Variants in SH3RF2 observed in about 807,000 individuals in gnomAD.
SH3RF2 encodes E3 ubiquitin-protein ligase SH3RF2.
SH3RF2 carries 43 observed loss-of-function variants against 59.0 expected under a neutral mutation model. That is an observed-to-expected ratio of 0.73 (90% CI 0.57 to 0.94). SH3RF2 has a LOEUF of 0.94. Ranked by LOEUF, SH3RF2 falls within the 40% of genes least tolerant of loss-of-function variation. SH3RF2 has a pLI of 0.00. For missense variants in SH3RF2, 930 were observed against 940.1 expected (o/e 0.99, Z 0.14); for synonymous variants, 391 against 391.5 (o/e 1.00, Z 0.01).
At chr5:146,059,093 G>T (rs1307634187) in intron 8 of SH3RF2, among the ~76,000 whole-genome samples, 1 of 152,118 alleles carries the variant, frequency 6.6e-6, no homozygotes, top group African/African-American at 2.4e-5. Context: ...ATTATCTCCA[G>T]CTTACAAACG....
chr5:146,056,303 G>T, intron 8 of SH3RF2, 90 bp downstream of exon 8: 1 of 1,577,390 alleles, frequency 6.3e-7, no homozygotes, highest in Admixed American at 1.8e-5. Flanking sequence ...GCAAAAACAG[G>T]ATCTTGGCTT....
chr5:145,981,702 C>A (rs556880279), intron 2 of SH3RF2, among the ~76,000 whole-genome samples: 2 of 152,302 alleles, frequency 1.3e-5, no homozygotes, highest in South Asian at 4.1e-4. Flanking sequence ...AGACACTAGC[C>A]ACATGCAGCT....
intron 5 of SH3RF2, among the ~76,000 whole-genome samples, chr5:146,042,274 G>A (rs1439229518): frequency 6.6e-6 from 1 of 152,164 alleles, no homozygotes. Context: ...CTCAGTCCAA[G>A]ACCTTGCCAG....
rs1761000837 is a variant in SH3RF2, at chr5:146,013,801, C to CG, written c.800dup (p.Thr268HisfsTer20). 1.2e-6 allele frequency: 2 copies of CG among 1,613,702 alleles called. No individual in the cohort carries two copies. Among genetic ancestry groups the CG allele is most frequent in the African/African-American group, 2.7e-5 (2 of 74,792 alleles). On this transcript the variant is annotated frameshift_variant, in exon 5 of 10. Coordinates refer to ENST00000359120, the MANE Select transcript of SH3RF2 (RefSeq NM_152550.4). LOFTEE classifies it high-confidence loss of function. ...GAAGAACAAAGGTCGCCAGTCATCC[C>CG]GCACAAAAAACCTGTCCCTGGTGTC...
At chr5:146,002,370 G>GGAGGCAGGAGAATCGCTTA (rs1195098638) in intron 3 of SH3RF2, among the ~76,000 whole-genome samples, 1 of 152,078 alleles carries the variant, frequency 6.6e-6, no homozygotes, top group Non-Finnish European at 1.5e-5. Flanking sequence ...AGAATCGCTT[G>GGAGGCAGGAGAATCGCTTA]AACCCAGGAG....
chr5:146,074,036 C>CTTTTTTTTTTTTT lies in SH3RF2; in HGVS notation c.*34-4415_*34-4403dup, dbSNP rs70998053. Among the ~76,000 whole-genome samples, 34 of 117,202 alleles carry CTTTTTTTTTTTTT rather than the reference C, an allele frequency of 2.9e-4. 2 individuals carry two copies. Among genetic ancestry groups the CTTTTTTTTTTTTT allele is most frequent in the African/African-American group, 1.4e-3 (33 of 24,222 alleles). 76.9% of individuals were successfully genotyped at this position (117,202 alleles called of 152,430 possible). On this transcript the variant is annotated intron_variant, in intron 9 of 9. Transcript: ENST00000511217. ...CCATGGGGTAGGTTTCATTAACACTCTTTTTTTTTTTTTTTTTTTTTGAGA... is the reference window on the plus strand; with the variant it reads ...CCATGGGGTAGGTTTCATTAACACTCTTTTTTTTTTTTTTTTTTTTTTTTTTTTTTTTTTGAGA...
chr5:145,970,839 A>C (rs10059164), intron 2 of SH3RF2, among the ~76,000 whole-genome samples: 1 of 152,172 alleles, frequency 6.6e-6, no homozygotes, highest in Non-Finnish European at 1.5e-5. Context: ...GAATTGGTGT[A>C]TATCAGAAGA....
chr5:145,984,844 G>A (rs1001842923), intron 2 of SH3RF2, among the ~76,000 whole-genome samples: 6 of 152,074 alleles, frequency 3.9e-5, no homozygotes, highest in African/African-American at 1.5e-4. Flanking sequence ...CAGATTTGCA[G>A]AAGGTCTTGG....
chr5:146,048,012 G>A, intron 6 of SH3RF2, 149 bp downstream of exon 6: 1 of 763,418 alleles, frequency 1.3e-6, no homozygotes, highest in Non-Finnish European at 2.1e-6. Context: ...GTGAAATAAT[G>A]GTGAAAAACA....
intron 2 of SH3RF2, among the ~76,000 whole-genome samples, chr5:145,983,989 G>T (rs546374662): frequency 1.3e-4 from 20 of 152,324 alleles, no homozygotes; most frequent in African/African-American, 4.8e-4. Context: ...TTTGTTAAGA[G>T]TAGCATTGAC....
downstream of SH3RF2, among the ~76,000 whole-genome samples, chr5:146,063,609 T>C (rs867438126): frequency 1.4e-4 from 21 of 152,304 alleles, 4 homozygotes; most frequent in Middle Eastern, 0.048. Flanking sequence ...CCTATAATCC[T>C]GGCACTTTGG....
intron 2 of SH3RF2, among the ~76,000 whole-genome samples, chr5:145,971,258 T>A (rs1291400659): frequency 1.3e-5 from 2 of 152,232 alleles, no homozygotes; most frequent in Admixed American, 1.3e-4. Flanking sequence ...GCTGAGCAGC[T>A]GGCTGTATTG....
intron 1 of SH3RF2, chr5:145,937,242 A>G (rs1242109375): frequency 6.6e-6 from 1 of 152,080 alleles, no homozygotes; most frequent in Non-Finnish European, 1.5e-5. Flanking sequence ...AAGGCAAAAC[A>G]ATTTTTGGAA....
Position 146,049,178 on chromosome 5 carries a change from AG to A in SH3RF2, c.1259del (p.Gly420AlafsTer72), listed in dbSNP as rs1561762928. 1 of 1,614,124 alleles carries A rather than the reference AG, an allele frequency of 6.2e-7. No individual in the cohort carries two copies. The highest frequency in any genetic ancestry group is 1.1e-5 in the South Asian group (1 of 91,080). The part of the protein sequence containing the change: ...VLGKCQDGWL[R>X]GVSLVTGRVG... ...GGGGAAGTGCCAGGACGGCTGGCTCAGGGGCGTCTCCTTGGTCACCGGGCGA... is the reference window on the plus strand; with the variant it reads ...GGGGAAGTGCCAGGACGGCTGGCTCAGGGCGTCTCCTTGGTCACCGGGCGA... On this transcript the variant is annotated frameshift_variant, in exon 7 of 10. Transcript: ENST00000359120. LOFTEE classifies it high-confidence loss of function.
intron 3 of SH3RF2, among the ~76,000 whole-genome samples, chr5:146,002,519 A>T (rs1050758914): frequency 6.7e-6 from 1 of 150,130 alleles, no homozygotes; most frequent in Non-Finnish European, 1.5e-5. Flanking sequence ...GAAGGAAGGA[A>T]GGAAGGAAGG....
At chr5:145,972,363 G>C (rs1037116985) in intron 2 of SH3RF2, among the ~76,000 whole-genome samples, 3 of 152,134 alleles carry the variant, frequency 2.0e-5, no homozygotes. Context: ...GAACAGATGG[G>C]TTTGCCACCT....
chr5:146,010,833 T>A (rs34588030), intron 4 of SH3RF2, among the ~76,000 whole-genome samples: 2 of 151,510 alleles, frequency 1.3e-5, no homozygotes, highest in African/African-American at 2.4e-5. Context: ...GTAGGTTGCC[T>A]GTTCACTCCG....
chr5:145,983,992 G>T (rs1158982576), intron 2 of SH3RF2, among the ~76,000 whole-genome samples: 1 of 152,148 alleles, frequency 6.6e-6, no homozygotes, highest in Non-Finnish European at 1.5e-5. Flanking sequence ...GTTAAGAGTA[G>T]CATTGACTAA....
rs1411041230 is a variant in SH3RF2, at chr5:146,004,112, T to G, written c.703T>G (p.Leu235Val). The G allele has an allele frequency of 6.2e-7, 1 of 1,612,996 alleles. No individual in the cohort carries two copies. Among genetic ancestry groups the G allele is most frequent in the Non-Finnish European group, 8.5e-7 (1 of 1,179,244 alleles). ...GGATGAGAACTGGGCAGAAGGCAAG[T>G]TAGGAGATAAAGTAGGCATCTTCCC... ...RVDENWAEGK[L>V]GDKVGIFPIL... Residue 235 changes from leucine (L) to valine (V), a missense_variant, in exon 4 of 10, where the codon TTA becomes GTA. Coordinates refer to ENST00000359120, the MANE Select transcript of SH3RF2 (RefSeq NM_152550.4).
Sources: allele counts gnomAD v4.1 joint callset (sites outside exome capture counted in the v4.1 genomes callset), GRCh38; gene constraint gnomAD v4.1.1; transcripts MANE v1.5; gene names NCBI Gene and HGNC (gene_info 2026-07-23, HGNC 2026-07-21).